Variants in ANKRD55 observed in about 807,000 individuals in gnomAD.
ANKRD55 encodes the protein ankyrin repeat domain 55.
A neutral mutation model predicts 60.6 loss-of-function variants in ANKRD55; 41 were observed. The ratio of observed to expected loss-of-function variants is 0.68; its 90% CI spans 0.53 to 0.88. ANKRD55 has a LOEUF of 0.88. Among genes scored for constraint, ANKRD55 ranks in the 40% least tolerant of loss-of-function variants. ANKRD55 has a pLI of 0.00. For missense variants in ANKRD55, 732 were observed against 767.6 expected (o/e 0.95, Z 0.55); for synonymous variants, 264 against 290.3 (o/e 0.91, Z 0.92).
intron 3 of ANKRD55, among the ~76,000 whole-genome samples, chr5:56,179,664 C>T (rs1758814735): frequency 6.6e-6 from 1 of 152,120 alleles, no homozygotes; most frequent in South Asian, 2.1e-4. Flanking sequence ...GACATCTGCA[C>T]TACAAGATAA....
intron 2 of ANKRD55, among the ~76,000 whole-genome samples, chr5:56,202,092 G>A (rs1042303016): frequency 3.9e-5 from 6 of 152,150 alleles, no homozygotes; most frequent in Non-Finnish European, 4.4e-5. Context: ...GGAACTGAAT[G>A]ATGAGAACAC....
chr5:56,197,587 G>A (rs765224884), intron 2 of ANKRD55, among the ~76,000 whole-genome samples: 48 of 152,020 alleles, frequency 3.2e-4, no homozygotes, highest in Non-Finnish European at 5.9e-4. Flanking sequence ...TAAGATCTTC[G>A]TTATTTAGAT....
At chr5:56,131,172 AAAAC>A (rs1757400206) in intron 7 of ANKRD55, among the ~76,000 whole-genome samples, 2 of 152,076 alleles carry the variant, frequency 1.3e-5, no homozygotes, top group South Asian at 4.1e-4. Context: ...AAAAAACAAC[AAAAC>A]AAACAAAAAA....
intron 2 of ANKRD55, among the ~76,000 whole-genome samples, chr5:56,215,893 A>C (rs758516998): frequency 1.3e-5 from 2 of 151,882 alleles, no homozygotes; most frequent in Middle Eastern, 3.2e-3. Context: ...TCTTGGCCAG[A>C]TCTCCTGTTT....
At chr5:56,122,749 G>A (rs1287238493) in intron 8 of ANKRD55, among the ~76,000 whole-genome samples, 2 of 151,586 alleles carry the variant, frequency 1.3e-5, no homozygotes, top group Admixed American at 1.3e-4. Flanking sequence ...GTAGGGAGAG[G>A]CAAAGGGCAA....
intron 7 of ANKRD55, among the ~76,000 whole-genome samples, chr5:56,136,323 A>G (rs1219010800): frequency 2.0e-5 from 3 of 152,252 alleles, no homozygotes; most frequent in African/African-American, 4.8e-5. Context: ...TGGAGAACAA[A>G]GTTGGGTGAC....
rs576523584 is a variant in ANKRD55, at chr5:56,218,925, G to GT, written c.58+13930dup. On this transcript the variant is annotated intron_variant, in intron 2 of 11. Transcript: ENST00000341048. ...GAATCTGAGTAAAAGGCATACAAGT[G>GT]TTTTTTTATATGATTCTTATTTTTA... Among the ~76,000 whole-genome samples, 91 of 152,140 alleles carry GT rather than the reference G, an allele frequency of 6.0e-4. 4 individuals are homozygous for GT. The East Asian group carries it at 0.012, about 19-fold the overall frequency.
intron 9 of ANKRD55, among the ~76,000 whole-genome samples, chr5:56,112,990 A>T (rs1467416478): frequency 6.6e-6 from 1 of 152,100 alleles, no homozygotes; most frequent in Non-Finnish European, 1.5e-5. Context: ...GAAATACTGA[A>T]TTCTAGACTC....
At chr5:56,104,670 T>C (rs1200736430) in intron 10 of ANKRD55, among the ~76,000 whole-genome samples, 4 of 152,112 alleles carry the variant, frequency 2.6e-5, no homozygotes, top group African/African-American at 9.7e-5. Flanking sequence ...ATAATAATAA[T>C]AATGATAATA....
chr5:56,111,994 T>C (rs1019649242), intron 9 of ANKRD55, among the ~76,000 whole-genome samples: 5 of 152,194 alleles, frequency 3.3e-5, no homozygotes, highest in African/African-American at 9.7e-5. Context: ...CCATGGGCAG[T>C]CTTTGCCCAA....
At chr5:56,132,807 A>G (rs992265294) in intron 7 of ANKRD55, among the ~76,000 whole-genome samples, 4 of 152,220 alleles carry the variant, frequency 2.6e-5, no homozygotes, top group African/African-American at 4.8e-5. Context: ...ATAGATTAAA[A>G]GTGAATGAGT....
chr5:56,154,945 G>A (rs1360809576), intron 6 of ANKRD55, among the ~76,000 whole-genome samples: 1 of 151,990 alleles, frequency 6.6e-6, no homozygotes, highest in Non-Finnish European at 1.5e-5. Flanking sequence ...ATTCCAAAAT[G>A]TTCTGGCCAG....
intron 5 of ANKRD55, among the ~76,000 whole-genome samples, chr5:56,167,586 C>G (rs1319989066): frequency 6.6e-6 from 1 of 152,204 alleles, no homozygotes; most frequent in Non-Finnish European, 1.5e-5. Context: ...TTAGTTAAAG[C>G]AGCTAGCATT....
At chr5:56,114,015 T>TATATATATAC (rs1554036688) in intron 9 of ANKRD55, among the ~76,000 whole-genome samples, 1 of 132,124 alleles carries the variant, frequency 7.6e-6, no homozygotes, top group African/African-American at 2.8e-5. Flanking sequence ...TATATATATA[T>TATATATATAC]ACAATAAAAA....
At chr5:56,168,986 A>G (rs1758547583) in intron 5 of ANKRD55, among the ~76,000 whole-genome samples, 2 of 152,180 alleles carry the variant, frequency 1.3e-5, no homozygotes, top group Non-Finnish European at 1.5e-5. Flanking sequence ...CCTCCTGAGT[A>G]GCTGGGCTTA....
intron 2 of ANKRD55, among the ~76,000 whole-genome samples, chr5:56,231,399 C>T (rs1760248360): frequency 6.6e-6 from 1 of 152,172 alleles, no homozygotes; most frequent in Non-Finnish European, 1.5e-5. Flanking sequence ...AGAGCTAGTT[C>T]TTCTTCAGTC....
chr5:56,174,629 C>T (rs1029427125), intron 4 of ANKRD55, among the ~76,000 whole-genome samples: 4 of 151,980 alleles, frequency 2.6e-5, no homozygotes, highest in East Asian at 1.9e-4. Context: ...GTCAAGAGAT[C>T]GAGACCATCC....
intron 6 of ANKRD55, among the ~76,000 whole-genome samples, chr5:56,158,614 C>T (rs531530999): frequency 7.2e-5 from 11 of 152,276 alleles, no homozygotes; most frequent in East Asian, 1.9e-4. Context: ...ACAGCAGTTA[C>T]GATCACTGGG....
At chr5:56,120,042 T>C (rs1178038998) in intron 8 of ANKRD55, among the ~76,000 whole-genome samples, 1 of 67,498 alleles carries the variant, frequency 1.5e-5, no homozygotes, top group African/African-American at 3.9e-5. Flanking sequence ...CTCAACACCA[T>C]TTTTTTTTTT....
Sources: allele counts gnomAD v4.1 joint callset (sites outside exome capture counted in the v4.1 genomes callset), GRCh38; gene constraint gnomAD v4.1.1; transcripts MANE v1.5; gene names NCBI Gene and HGNC (gene_info 2026-07-23, HGNC 2026-07-21).